The following PDE3B variants were observed in gnomAD, a reference collection of about 807,000 sequenced individuals.
PDE3B encodes phosphodiesterase 3B, also known as cGMP-inhibited 3',5'-cyclic phosphodiesterase 3B.
PDE3B carries 66 observed loss-of-function variants against 116.8 expected under a neutral mutation model. That is an observed-to-expected ratio of 0.56 (90% confidence interval 0.46 to 0.69). The LOEUF is 0.69. Among genes scored for constraint, PDE3B ranks in the 30% least tolerant of loss-of-function variants. PDE3B has a pLI of 0.00. For synonymous variants in PDE3B, 595 were observed against 533.6 expected, an observed-to-expected ratio of 1.12 and a Z score of -1.59; for missense variants, 1,384 against 1,368.1, an observed-to-expected ratio of 1.01 and a Z score of -0.18.
At chr11:14,892,376 G>C in the PDE3B span, 3 of 657,084 alleles carry the variant, frequency 4.6e-6, no homozygotes, top group Non-Finnish European at 7.8e-6. Context: ...TTCTAGTTTT[G>C]CGCGGCTGAG....
At chr11:14,753,390 A>G (rs1234815687) in intron 1 of PDE3B, among the ~76,000 whole-genome samples, 1 of 152,152 alleles carries the variant, frequency 6.6e-6, no homozygotes, top group Admixed American at 6.6e-5. Context: ...AATGATGGAT[A>G]TATTTTTTTA....
intron 2 of PDE3B, among the ~76,000 whole-genome samples, chr11:14,784,827 T>C (rs1324596841): frequency 6.6e-6 from 1 of 152,162 alleles, no homozygotes; most frequent in Non-Finnish European, 1.5e-5. Flanking sequence ...AATTACCTTG[T>C]ATTGTTAAAG....
At chr11:14,875,777 G>T (rs1457124545), downstream of PDE3B, among the ~76,000 whole-genome samples, 1 of 152,156 alleles carries the variant, frequency 6.6e-6, no homozygotes, top group African/African-American at 2.4e-5. Flanking sequence ...GTGATCTAGA[G>T]AATTCACTTC....
At chr11:14,722,263 A>G (rs1209712934) in intron 1 of PDE3B, among the ~76,000 whole-genome samples, 1 of 152,192 alleles carries the variant, frequency 6.6e-6, no homozygotes, top group Non-Finnish European at 1.5e-5. Flanking sequence ...ATACATATGT[A>G]ACAAACCTGC....
chr11:14,861,007 A>T (rs985120729), intron 13 of PDE3B, among the ~76,000 whole-genome samples, 198 bp from the exon 14 acceptor site: 22 of 152,156 alleles, frequency 1.4e-4, no homozygotes, highest in African/African-American at 5.3e-4. Flanking sequence ...TTTGCTAGAA[A>T]GCATTTTTTA....
At chr11:14,741,514 C>T (rs1057243719) in intron 1 of PDE3B, among the ~76,000 whole-genome samples, 1 of 152,086 alleles carries the variant, frequency 6.6e-6, no homozygotes, top group African/African-American at 2.4e-5. Context: ...CTGAATACAG[C>T]ACATCAATGG....
chr11:14,659,544 G>C (rs1853825799), intron 1 of PDE3B, among the ~76,000 whole-genome samples: 1 of 152,188 alleles, frequency 6.6e-6, no homozygotes, highest in Non-Finnish European at 1.5e-5. Flanking sequence ...GGGTACATGT[G>C]CAGGTTTGTA....
At chr11:14,650,119 A>C (rs1853529486) in intron 1 of PDE3B, among the ~76,000 whole-genome samples, 1 of 150,810 alleles carries the variant, frequency 6.6e-6, no homozygotes, top group African/African-American at 2.4e-5. Flanking sequence ...AGATAACTTT[A>C]CAGATTTCTC....
intron 1 of PDE3B, among the ~76,000 whole-genome samples, chr11:14,709,808 T>C (rs903831184): frequency 6.6e-6 from 1 of 152,262 alleles, no homozygotes; most frequent in African/African-American, 2.4e-5. Flanking sequence ...ATATTTTTTG[T>C]TGTTTTCAGT....
chr11:14,884,156 T>C, the PDE3B span, among the ~76,000 whole-genome samples: 2 of 152,118 alleles, frequency 1.3e-5, no homozygotes, highest in East Asian at 4.0e-4. Context: ...AGAAATACCA[T>C]TTGACCCTGC....
At chr11:14,801,741 C>G (rs867166756) in intron 4 of PDE3B, among the ~76,000 whole-genome samples, 3 of 152,340 alleles carry the variant, frequency 2.0e-5, no homozygotes, top group Middle Eastern at 3.4e-3. Context: ...CGTAGCCACC[C>G]CTTCCCCCAG....
chr11:14,715,271 A>C (rs1261425787), intron 1 of PDE3B, among the ~76,000 whole-genome samples: 1 of 152,136 alleles, frequency 6.6e-6, no homozygotes, highest in Non-Finnish European at 1.5e-5. Flanking sequence ...ATGAACTTTA[A>C]AGTAGTTTTT....
intron 1 of PDE3B, among the ~76,000 whole-genome samples, chr11:14,706,584 C>T (rs1855542007): frequency 1.3e-5 from 2 of 151,818 alleles, no homozygotes; most frequent in South Asian, 4.1e-4. Flanking sequence ...AAATTTCTTC[C>T]ACATCTGACC....
At chr11:14,665,319 T>C (rs1854096929) in intron 1 of PDE3B, among the ~76,000 whole-genome samples, 1 of 152,180 alleles carries the variant, frequency 6.6e-6, no homozygotes, top group Non-Finnish European at 1.5e-5. Context: ...TCATACTGAA[T>C]GGGCAAAAAC....
chr11:14,663,930 C>G (rs1308132862), intron 1 of PDE3B, among the ~76,000 whole-genome samples: 4 of 152,186 alleles, frequency 2.6e-5, no homozygotes, highest in Non-Finnish European at 4.4e-5. Flanking sequence ...TAGACATCTA[C>G]AGAACTCTCC....
chr11:14,663,767 A>G (rs1854021175), intron 1 of PDE3B, among the ~76,000 whole-genome samples: 1 of 152,210 alleles, frequency 6.6e-6, no homozygotes, highest in Admixed American at 6.5e-5. Flanking sequence ...CAGATTCAGA[A>G]AGCAAGTCCT....
intron 1 of PDE3B, among the ~76,000 whole-genome samples, chr11:14,715,554 C>G (rs917247649): frequency 2.6e-5 from 4 of 152,128 alleles, no homozygotes; most frequent in South Asian, 2.1e-4. Flanking sequence ...TGATTTGGCT[C>G]TCTGTTTGTG....
At position 14,735,125 on chromosome 11, in the gene PDE3B, G is replaced by T. The variant is rs192997281; in HGVS notation, c.979-36812G>T. ...CTACAGAAAAAGCACTCATAAATAT[G>T]TATAAATGTATATCGATCATAATGC... On this transcript the variant is annotated intron_variant, in intron 1 of 15. Coordinates refer to ENST00000282096, the MANE Select transcript of PDE3B (RefSeq NM_000922.4). 2.0e-5 allele frequency among the ~76,000 whole-genome samples: 3 copies of T among 152,214 alleles called. No homozygotes were observed. In the East Asian group the frequency reaches 5.8e-4, roughly 29 times the overall value.
At chr11:14,659,632 A>G (rs1003859410) in intron 1 of PDE3B, among the ~76,000 whole-genome samples, 3 of 152,080 alleles carry the variant, frequency 2.0e-5, no homozygotes, top group African/African-American at 4.8e-5. Context: ...CCCATTAGTT[A>G]TTTTTCCTCA....
Sources: allele counts gnomAD v4.1 joint callset (sites outside exome capture counted in the v4.1 genomes callset), GRCh38; gene constraint gnomAD v4.1.1; transcripts MANE v1.5; gene names NCBI Gene and HGNC (gene_info 2026-07-23, HGNC 2026-07-21).